The following TXNL4A variants were observed in gnomAD, a reference collection of about 807,000 sequenced individuals.
The protein encoded by TXNL4A is thioredoxin like 4A, also known as thioredoxin-like protein 4A.
In TXNL4A, 17 loss-of-function variants were observed where a neutral mutation model predicts 14.6. The ratio of observed to expected loss-of-function variants is 1.16; its 90% CI spans 0.80 to 1.74. TXNL4A has a LOEUF of 1.74. Ranked by LOEUF, TXNL4A falls within the 40% of genes most tolerant of loss-of-function variation. The pLI is 0.00. For missense variants in TXNL4A, 74 were observed against 195.2 expected (o/e 0.38, Z 3.70); for synonymous variants, 83 against 70.6 (o/e 1.18, Z -0.88).
At chr18:79,994,299 C>A (rs750836668) in intron 1 of TXNL4A, among the ~76,000 whole-genome samples, 1 of 152,178 alleles carries the variant, frequency 6.6e-6, no homozygotes, top group Non-Finnish European at 1.5e-5. Context: ...ACTAAGAAAC[C>A]GGAATGGGAG....
intron 1 of TXNL4A, among the ~76,000 whole-genome samples, chr18:80,007,544 G>C (rs1367654309): frequency 6.6e-6 from 1 of 151,868 alleles, no homozygotes; most frequent in Admixed American, 6.5e-5. Context: ...GGCAGGCCCA[G>C]GCCTGGTTTT....
upstream of TXNL4A, among the ~76,000 whole-genome samples, chr18:79,990,538 C>CTAT (rs780290544): frequency 1.8e-4 from 27 of 152,194 alleles, no homozygotes; most frequent in African/African-American, 6.3e-4. Context: ...TAAGGTCAGG[C>CTAT]TATTGCCTTC....
chr18:79,993,182 A>G (rs527357100), upstream of TXNL4A, among the ~76,000 whole-genome samples: 1 of 152,198 alleles, frequency 6.6e-6, no homozygotes, highest in Admixed American at 6.5e-5. The surrounding 1 kb of genome is among the most constrained non-coding windows in gnomAD (Gnocchi z 4.4). Context: ...CAGCTCTCCT[A>G]TTGGTGCTTG....
chr18:79,984,872 T>G (rs954878947), intron 1 of TXNL4A, among the ~76,000 whole-genome samples: 1 of 152,228 alleles, frequency 6.6e-6, no homozygotes, highest in African/African-American at 2.4e-5. Flanking sequence ...TAGGTAACAG[T>G]GAACCCCAAG....
chr18:79,998,018 G>GC (rs1186373733), intron 1 of TXNL4A, among the ~76,000 whole-genome samples: 2 of 152,196 alleles, frequency 1.3e-5, no homozygotes, highest in Non-Finnish European at 2.9e-5. Context: ...CAGTGGACAG[G>GC]CCCGGTGGCT....
At chr18:80,014,088 C>T (rs2051790707) in intron 1 of TXNL4A, among the ~76,000 whole-genome samples, 1 of 152,122 alleles carries the variant, frequency 6.6e-6, no homozygotes, top group Admixed American at 6.5e-5. Flanking sequence ...CCCCCTGGGT[C>T]CCTCCCACAA....
chr18:79,973,558 T>C lies in TXNL4A; in HGVS notation c.*127A>G, dbSNP rs1368173226. 8 of 1,241,188 alleles carry C rather than the reference T, an allele frequency of 6.4e-6. No individual in the cohort carries two copies. Among genetic ancestry groups the C allele is most frequent in the East Asian group, 4.9e-5 (2 of 40,738 alleles). 76.9% of individuals were successfully genotyped at this position (1,241,188 alleles called of 1,614,324 possible). A position where few individuals can be genotyped will look rare whatever the true frequency, so the allele number is the denominator to read the frequency against. On this transcript the variant is annotated 3_prime_UTR_variant, in exon 3 of 3. Transcript: ENST00000269601. ...TTATTTCGGTGAGTTAAGACCATGT[T>C]ATCAATTCCATCTCAGAGGTGCTCC...
At chr18:79,999,455 G>C (rs1006919851) in intron 1 of TXNL4A, among the ~76,000 whole-genome samples, 1 of 147,366 alleles carries the variant, frequency 6.8e-6, no homozygotes, top group African/African-American at 2.5e-5. Context: ...AGAATTGCTT[G>C]AACCCGGGAG....
In TXNL4A at chr18:79,993,910, C is replaced by T. The variant is rs1357080825; in HGVS notation, c.-60-16209G>A. On this transcript the variant is annotated intron_variant, in intron 1 of 2. Coordinates refer to the TXNL4A transcript ENST00000585474. The surrounding 1 kb of genome is among the most constrained non-coding windows in gnomAD (Gnocchi z 4.4). The stretch of plus-strand genomic sequence containing the variant: ...CTTCCCACACCTGGAGCCCCTGACA[C>T]ACTTTACCAGGTAGCCGCGACAAGC... Among the ~76,000 whole-genome samples, 1 of 152,184 alleles carries T rather than the reference C, an allele frequency of 6.6e-6. No individual in the cohort carries two copies. Among genetic ancestry groups the T allele is most frequent in the Non-Finnish European group, 1.5e-5 (1 of 68,046 alleles).
chr18:80,021,099 T>A (rs1288906720), intron 1 of TXNL4A, among the ~76,000 whole-genome samples: 1 of 152,110 alleles, frequency 6.6e-6, no homozygotes, highest in Non-Finnish European at 1.5e-5. Flanking sequence ...TTTTTGATAA[T>A]GCTTGCCCAA....
intron 2 of TXNL4A, among the ~76,000 whole-genome samples, chr18:79,974,245 C>G (rs771005392): frequency 2.0e-5 from 3 of 152,178 alleles, no homozygotes; most frequent in Non-Finnish European, 2.9e-5. Flanking sequence ...AGACCCCCAT[C>G]TAATTTGTAC....
intron 1 of TXNL4A, among the ~76,000 whole-genome samples, chr18:80,006,722 C>T (rs1490990233): frequency 2.0e-5 from 3 of 152,182 alleles, no homozygotes; most frequent in African/African-American, 7.2e-5. Flanking sequence ...GAGAAAAGTT[C>T]CCTTGTGCAG....
chr18:80,025,816 T>C (rs2051880717), intron 1 of TXNL4A, among the ~76,000 whole-genome samples: 1 of 152,176 alleles, frequency 6.6e-6, no homozygotes, highest in Non-Finnish European at 1.5e-5. Context: ...TCAGACCCTA[T>C]AACAGATTTG....
chr18:79,988,121 G>A (rs1458031646), intron 1 of TXNL4A, 119 bp downstream of exon 1: 5 of 1,224,032 alleles, frequency 4.1e-6, no homozygotes, highest in African/African-American at 3.1e-5. Context: ...TCGCCTGAAC[G>A]ACGGAGCCGC....
rs776825515 is a variant in TXNL4A, at chr18:79,977,663, T to C, written c.192A>G (p.Thr64=). 2 of 1,612,340 alleles carry C rather than the reference T, an allele frequency of 1.2e-6. No homozygotes were observed. Among genetic ancestry groups the C allele is most frequent in the Admixed American group, 3.4e-5 (2 of 59,604 alleles). The change falls in exon 2 of 3, where the codon ACA becomes ACG. Residue 64 remains threonine, a synonymous_variant. Transcript: ENST00000269601. The part of the protein sequence containing the change: ...NFAVIYLVDI[T]EVPDFNKMYE... Reference sequence around the variant, plus strand: ...ACATTTTGTTGAAGTCAGGCACTTCTGTAATATCCACAAGATAAATAACTG... The same window carrying C: ...ACATTTTGTTGAAGTCAGGCACTTCCGTAATATCCACAAGATAAATAACTG...
chr18:79,997,258 C>T (rs1244853242), intron 1 of TXNL4A, among the ~76,000 whole-genome samples: 1 of 152,016 alleles, frequency 6.6e-6, no homozygotes, highest in Non-Finnish European at 1.5e-5. Flanking sequence ...TACCCAACCT[C>T]AAACAGTATC....
At chr18:80,029,327 G>C (rs1316516270) in intron 1 of TXNL4A, among the ~76,000 whole-genome samples, 1 of 152,072 alleles carries the variant, frequency 6.6e-6, no homozygotes, top group African/African-American at 2.4e-5. Flanking sequence ...AAGTCGCCCA[G>C]GGTCACTTTC....
At chr18:80,005,924 A>C (rs1169534995) in intron 1 of TXNL4A, among the ~76,000 whole-genome samples, 1 of 151,886 alleles carries the variant, frequency 6.6e-6, no homozygotes, top group Non-Finnish European at 1.5e-5. Context: ...AAAAAGAAAA[A>C]AGAAAAAGAA....
At chr18:79,983,741 G>A (rs1268266409) in intron 1 of TXNL4A, among the ~76,000 whole-genome samples, 4 of 152,234 alleles carry the variant, frequency 2.6e-5, no homozygotes, top group African/African-American at 9.6e-5. Flanking sequence ...TAATGTGAGA[G>A]AAGTAATCAC....
Sources: allele counts gnomAD v4.1 joint callset (sites outside exome capture counted in the v4.1 genomes callset), GRCh38; gene constraint gnomAD v4.1.1; non-coding constraint Gnocchi (gnomAD v3.1); transcripts MANE v1.5; gene names NCBI Gene and HGNC (gene_info 2026-07-23, HGNC 2026-07-21).